The following RSPO2 variants were observed in gnomAD, a reference collection of about 807,000 sequenced individuals.
The protein encoded by RSPO2 is R-spondin 2, also known as R-spondin-2.
Under a neutral mutation model 30.9 loss-of-function variants are expected in RSPO2, and 14 were observed. The ratio of observed to expected loss-of-function variants is 0.45; its 90% CI spans 0.30 to 0.71. The LOEUF is 0.71. Ranked by LOEUF, RSPO2 falls within the 30% of genes least tolerant of loss-of-function variation. The pLI is 0.08. For missense variants in RSPO2, 264 were observed against 301.9 expected, an observed-to-expected ratio of 0.87 and a Z score of 0.93; for synonymous variants, 107 against 96.4, an observed-to-expected ratio of 1.11 and a Z score of -0.64.
Position 108,082,711 on chromosome 8 carries a change from C to T in RSPO2, c.-73G>A. ...GAGGGTTCGCCCAAAGAGCCGGCGCCGGCCGCGCTGCTGGGGAGGACTCAG... is the reference window on the plus strand; with the variant it reads ...GAGGGTTCGCCCAAAGAGCCGGCGCTGGCCGCGCTGCTGGGGAGGACTCAG... On this transcript the variant is annotated 5_prime_UTR_variant, in exon 2 of 6. Transcript: ENST00000276659. 1.5e-6 allele frequency: 2 copies of T among 1,324,532 alleles called. No individual in the cohort carries two copies. Among genetic ancestry groups the T allele is most frequent in the East Asian group, 2.3e-5 (1 of 43,084 alleles). 82.0% of individuals were successfully genotyped at this position (1,324,532 alleles called of 1,614,324 possible).
At chr8:108,039,396 G>A (rs971908409) in intron 2 of RSPO2, among the ~76,000 whole-genome samples, 6 of 152,014 alleles carry the variant, frequency 3.9e-5, no homozygotes, top group Non-Finnish European at 8.8e-5. Flanking sequence ...ACCATCTTAT[G>A]AGTTCAATTA....
rs368795983 is a variant in RSPO2, at chr8:107,909,656, GT to G, written c.617-8467del. 3.5e-3 allele frequency among the ~76,000 whole-genome samples: 529 copies of G among 152,194 alleles called. 19 individuals are homozygous for G. The South Asian group carries it at 0.086, about 25-fold the overall frequency. ...CTGAAGACAATATTACCCTGACTGA[GT>G]TCCACAAAAAAAGTCATTGACCTCA... On this transcript the variant is annotated intron_variant, in intron 5 of 5. Coordinates refer to ENST00000276659, the MANE Select transcript of RSPO2 (RefSeq NM_178565.5).
chr8:107,927,711 A>G (rs1302362997), intron 5 of RSPO2, among the ~76,000 whole-genome samples: 1 of 152,202 alleles, frequency 6.6e-6, no homozygotes, highest in Non-Finnish European at 1.5e-5. Context: ...ATTGGTTTGC[A>G]TATGTTGAAC....
At chr8:107,919,318 C>A (rs1438443111) in intron 5 of RSPO2, among the ~76,000 whole-genome samples, 1 of 152,144 alleles carries the variant, frequency 6.6e-6, no homozygotes, top group Non-Finnish European at 1.5e-5. Context: ...TTTGACTTAA[C>A]CTCCAAGCTG....
At chr8:108,018,778 C>T (rs1810970397) in intron 2 of RSPO2, among the ~76,000 whole-genome samples, 1 of 152,126 alleles carries the variant, frequency 6.6e-6, no homozygotes, top group South Asian at 2.1e-4. Context: ...TTTCTGTAAA[C>T]ACCCATAGTT....
intron 5 of RSPO2, among the ~76,000 whole-genome samples, chr8:107,936,585 T>C (rs1047025389): frequency 1.1e-4 from 16 of 152,334 alleles, no homozygotes; most frequent in Non-Finnish European, 8.8e-5. Context: ...ACCAATGGTA[T>C]AGAAGCATTC....
At chr8:107,960,902 A>G (rs1208687365) in intron 3 of RSPO2, 85 bp from the exon 4 acceptor site, 2 of 986,874 alleles carry the variant, frequency 2.0e-6, no homozygotes, top group Non-Finnish European at 3.0e-6. Flanking sequence ...TAAACTCACA[A>G]GTTAGCCCAT....
chr8:107,982,640 T>C (rs1232938645), intron 3 of RSPO2, among the ~76,000 whole-genome samples: 1 of 152,206 alleles, frequency 6.6e-6, no homozygotes, highest in African/African-American at 2.4e-5. Flanking sequence ...ATATAATCAC[T>C]GGCTGCTTTC....
intron 5 of RSPO2, among the ~76,000 whole-genome samples, chr8:107,944,364 A>G (rs1380350217): frequency 6.6e-6 from 1 of 152,202 alleles, no homozygotes; most frequent in Non-Finnish European, 1.5e-5. Flanking sequence ...ATTTAAGTAT[A>G]TATAATTTGT....
intron 2 of RSPO2, among the ~76,000 whole-genome samples, chr8:107,994,398 T>TC (rs1301266258): frequency 1.3e-5 from 2 of 152,158 alleles, no homozygotes; most frequent in Non-Finnish European, 2.9e-5. Context: ...ACTTTTTTTT[T>TC]CCAAACAGAA....
chr8:108,058,217 G>A (rs922694421), intron 2 of RSPO2, among the ~76,000 whole-genome samples: 3 of 152,126 alleles, frequency 2.0e-5, no homozygotes, highest in Non-Finnish European at 4.4e-5. Context: ...CAGACAAACA[G>A]AGCCAAATCA....
chr8:107,996,321 G>A (rs569211151), intron 2 of RSPO2, among the ~76,000 whole-genome samples: 23 of 152,174 alleles, frequency 1.5e-4, no homozygotes, highest in South Asian at 4.1e-4. Flanking sequence ...ACTCTTTCAC[G>A]AAAAAGCCAC....
intron 5 of RSPO2, among the ~76,000 whole-genome samples, chr8:107,942,005 AGG>A (rs1812913090): frequency 2.0e-5 from 3 of 152,114 alleles, no homozygotes; most frequent in Admixed American, 2.0e-4. Context: ...GGAGTTTTAG[AGG>A]GGGGATGTTC....
intron 5 of RSPO2, among the ~76,000 whole-genome samples, chr8:107,947,156 G>A (rs115474857): frequency 2.8e-3 from 420 of 152,232 alleles, no homozygotes; most frequent in African/African-American, 9.4e-3. Context: ...GCTAGTCAGC[G>A]GCATGTTAGA....
At chr8:108,075,022 C>T (rs116133020) in intron 2 of RSPO2, among the ~76,000 whole-genome samples, 3 of 152,106 alleles carry the variant, frequency 2.0e-5, no homozygotes, top group Non-Finnish European at 2.9e-5. Flanking sequence ...AATATAATAA[C>T]TAGGATTAAA....
At chr8:107,901,275 C>T in intron 5 of RSPO2, 85 bp from the exon 6 acceptor site, 1 of 1,444,878 alleles carries the variant, frequency 6.9e-7, no homozygotes, top group Non-Finnish European at 9.2e-7. Flanking sequence ...GAGTTTTGCA[C>T]AAAGCCCATC....
rs1265508591 is a variant in RSPO2, at chr8:107,901,197, T to A, written c.617-7A>T. 4 of 1,606,970 alleles carry A rather than the reference T, an allele frequency of 2.5e-6. No homozygotes were observed. In the African/African-American group the frequency reaches 5.4e-5, roughly 22 times the overall value. On this transcript the variant is annotated splice_polypyrimidine_tract_variant and splice_region_variant and intron_variant, in intron 5 of 5. Transcript: ENST00000276659. ...GCCTTTGGTGTTCTCTTCCCTGCAATGAAGGAAAGAAAAGAAGAGATGTCA... is the reference window on the plus strand; with the variant it reads ...GCCTTTGGTGTTCTCTTCCCTGCAAAGAAGGAAAGAAAAGAAGAGATGTCA...
chr8:108,044,287 A>G lies in RSPO2; in HGVS notation c.94+38258T>C, dbSNP rs77382500. Among the ~76,000 whole-genome samples the G allele has an allele frequency of 5.3e-5, 8 of 152,204 alleles. No homozygotes were observed. The East Asian group carries it at 1.5e-3, about 29-fold the overall frequency. On this transcript the variant is annotated intron_variant, in intron 2 of 5. Coordinates refer to ENST00000276659, the MANE Select transcript of RSPO2 (RefSeq NM_178565.5). ...GGGGATACACACGCAGGTTTGTTAT[A>G]TGCATATATTGTATGATGCTGATGT...
chr8:107,987,348 T>C (rs1814681911), intron 3 of RSPO2, among the ~76,000 whole-genome samples: 1 of 152,228 alleles, frequency 6.6e-6, no homozygotes, highest in South Asian at 2.1e-4. Flanking sequence ...TCTCTTTAGT[T>C]CACTGCCTAC....
Sources: allele counts gnomAD v4.1 joint callset (sites outside exome capture counted in the v4.1 genomes callset), GRCh38; gene constraint gnomAD v4.1.1; transcripts MANE v1.5; gene names NCBI Gene and HGNC (gene_info 2026-07-23, HGNC 2026-07-21).